The following BBS9 variants were observed in gnomAD, a reference collection of about 807,000 sequenced individuals.
The protein encoded by BBS9 is Bardet-Biedl syndrome 9.
Under a neutral mutation model 117.7 loss-of-function variants are expected in BBS9, and 89 were observed. The observed-to-expected ratio is 0.76, with a 90% CI of 0.64 to 0.90. The LOEUF is 0.90. Ranked by LOEUF, BBS9 falls within the 40% of genes least tolerant of loss-of-function variation. The pLI, the probability that BBS9 is intolerant of heterozygous loss-of-function variation, is 0.00. For synonymous variants in BBS9, 379 were observed against 370.9 expected, an observed-to-expected ratio of 1.02 and a Z score of -0.25; for missense variants, 982 against 1,042.2, an observed-to-expected ratio of 0.94 and a Z score of 0.80.
At chr7:33,441,407 C>CA (rs1359034708) in intron 19 of BBS9, among the ~76,000 whole-genome samples, 2 of 152,038 alleles carry the variant, frequency 1.3e-5, no homozygotes, top group East Asian at 3.9e-4. Flanking sequence ...GATTGATTTG[C>CA]AAAAAATATT....
chr7:33,624,748 A>G (rs773071273), intron 21 of BBS9, among the ~76,000 whole-genome samples: 1 of 152,218 alleles, frequency 6.6e-6, no homozygotes, highest in Non-Finnish European at 1.5e-5. Flanking sequence ...CCAAACTGTA[A>G]CATTTTGGGG....
intron 5 of BBS9, among the ~76,000 whole-genome samples, chr7:33,246,932 A>G (rs1159594151): frequency 2.0e-5 from 3 of 152,192 alleles, no homozygotes; most frequent in East Asian, 3.9e-4. Flanking sequence ...TGCTATTTTG[A>G]GGAAAGTTAA....
rs183403032 is a variant in BBS9, at chr7:33,564,833, G to C, written c.2521+30657G>C. On this transcript the variant is annotated intron_variant, in intron 21 of 22. Transcript: ENST00000242067. Reference sequence around the variant, plus strand: ...TGTTTCTCCAAAAACTGAATTCATTGCTGGGAGATAATCTCTCTTTTTGAG... The same window carrying C: ...TGTTTCTCCAAAAACTGAATTCATTCCTGGGAGATAATCTCTCTTTTTGAG... Among the ~76,000 whole-genome samples the C allele has an allele frequency of 2.3e-3, 345 of 152,292 alleles. 1 individual carries two copies. The highest frequency in any genetic ancestry group is 7.7e-3 in the African/African-American group (320 of 41,572).
At chr7:33,302,333 TACTC>T (rs1166859442) in intron 9 of BBS9, among the ~76,000 whole-genome samples, 1 of 152,200 alleles carries the variant, frequency 6.6e-6, no homozygotes, top group Non-Finnish European at 1.5e-5. Context: ...TGTGGGGTAT[TACTC>T]AAGAAATCTT....
At chr7:33,405,672 T>C (rs1426250526) in intron 19 of BBS9, among the ~76,000 whole-genome samples, 2 of 152,258 alleles carry the variant, frequency 1.3e-5, no homozygotes, top group East Asian at 1.9e-4. Context: ...TTTGTATTTC[T>C]GTGGGATCGG....
intron 15 of BBS9, among the ~76,000 whole-genome samples, chr7:33,353,524 AG>A (rs1451588091): frequency 6.6e-6 from 1 of 152,122 alleles, no homozygotes; most frequent in Non-Finnish European, 1.5e-5. Context: ...TTTTGAGGGC[AG>A]GGGTCAAGCA....
intron 9 of BBS9, among the ~76,000 whole-genome samples, chr7:33,307,617 C>G (rs573928112): frequency 5.9e-5 from 9 of 151,862 alleles, no homozygotes; most frequent in African/African-American, 2.2e-4. Flanking sequence ...TTGCTTATAA[C>G]CTATGTACAT....
intron 5 of BBS9, among the ~76,000 whole-genome samples, chr7:33,249,645 T>G (rs1756363521): frequency 6.6e-6 from 1 of 152,208 alleles, no homozygotes; most frequent in Admixed American, 6.5e-5. Context: ...CTTATTGTGC[T>G]CAAAATGACT....
At chr7:33,575,866 T>C (rs962595567) in intron 21 of BBS9, among the ~76,000 whole-genome samples, 1 of 152,160 alleles carries the variant, frequency 6.6e-6, no homozygotes, top group South Asian at 2.1e-4. Context: ...CCCTTCATGC[T>C]AAAAACTCTC....
intron 21 of BBS9, among the ~76,000 whole-genome samples, chr7:33,566,153 A>G (rs908152429): frequency 3.3e-5 from 5 of 151,684 alleles, no homozygotes; most frequent in East Asian, 1.9e-4. Context: ...TATAGACACA[A>G]TATTGATATA....
chr7:33,620,610 AT>A (rs1865359481), intron 21 of BBS9, among the ~76,000 whole-genome samples: 1 of 152,154 alleles, frequency 6.6e-6, no homozygotes, highest in Admixed American at 6.6e-5. Context: ...AAATGAAAAA[AT>A]ATCCTGTCTT....
chr7:33,367,670 A>C, intron 16 of BBS9, 97 bp from the exon 17 acceptor site: 2 of 921,472 alleles, frequency 2.2e-6, no homozygotes, highest in South Asian at 2.6e-5. Flanking sequence ...ATGACTAGTG[A>C]CATAAAAAAC....
At chr7:33,321,932 G>A (rs76441533) in intron 9 of BBS9, among the ~76,000 whole-genome samples, 17,897 of 151,792 alleles carry the variant, frequency 0.12, 1,263 homozygotes, top group South Asian at 0.19. Flanking sequence ...TATCATGAAA[G>A]GATGTTGAAT....
At chr7:33,134,862 T>C (rs1204232395) in intron 1 of BBS9, among the ~76,000 whole-genome samples, 2 of 152,216 alleles carry the variant, frequency 1.3e-5, no homozygotes, top group African/African-American at 2.4e-5. Context: ...TCCCAAAGTG[T>C]TGGGATTACA....
chr7:33,193,443 T>TA (rs1784471817), intron 5 of BBS9, among the ~76,000 whole-genome samples: 1 of 92,006 alleles, frequency 1.1e-5, no homozygotes, highest in Non-Finnish European at 2.3e-5. Context: ...TTTTTTTTTG[T>TA]AGTATGTTTG....
chr7:33,204,319 A>G (rs989655084), intron 5 of BBS9, among the ~76,000 whole-genome samples: 1 of 151,258 alleles, frequency 6.6e-6, no homozygotes, highest in African/African-American at 2.4e-5. Context: ...AGGTAGGAGA[A>G]TCACTTGAAC....
chr7:33,620,616 T>C (rs1865359616), intron 21 of BBS9, among the ~76,000 whole-genome samples: 1 of 152,100 alleles, frequency 6.6e-6, no homozygotes, highest in Non-Finnish European at 1.5e-5. Context: ...AAAAATATCC[T>C]GTCTTTTTGA....
At chr7:33,235,375 T>G (rs1793284245) in intron 5 of BBS9, among the ~76,000 whole-genome samples, 1 of 152,068 alleles carries the variant, frequency 6.6e-6, no homozygotes, top group Non-Finnish European at 1.5e-5. Flanking sequence ...GAATCCAATG[T>G]TTTACTAGGG....
At chr7:33,331,367 G>A (rs1333222857) in intron 9 of BBS9, among the ~76,000 whole-genome samples, 1 of 152,156 alleles carries the variant, frequency 6.6e-6, no homozygotes, top group African/African-American at 2.4e-5. Context: ...GATAAGACAA[G>A]GATGTCCACT....
Sources: allele counts gnomAD v4.1 joint callset (sites outside exome capture counted in the v4.1 genomes callset), GRCh38; gene constraint gnomAD v4.1.1; transcripts MANE v1.5; gene names NCBI Gene and HGNC (gene_info 2026-07-23, HGNC 2026-07-21).